TENM1: variants seen among roughly 807,000 people sequenced by gnomAD.
The protein encoded by TENM1 is teneurin transmembrane protein 1.
A neutral mutation model predicts 174.8 loss-of-function variants in TENM1; 35 were observed. The observed-to-expected ratio is 0.20, with a 90% CI of 0.15 to 0.27. TENM1 has a LOEUF of 0.27. TENM1 is among the 10% of genes least tolerant of loss of function. TENM1 has a pLI of 1.00. For synonymous variants in TENM1, 781 were observed against 798.7 expected (o/e 0.98, Z 0.37); for missense variants, 1,633 against 2,130.1 (o/e 0.77, Z 4.59).
the TENM1 span, among the ~76,000 whole-genome samples, chrX:125,097,037 T>A: frequency 2.7e-5 from 3 of 111,451 alleles, no homozygotes; most frequent in Admixed American, 2.9e-4. Context: ...CTCTGTTGTG[T>A]GTGCTGAGCT....
intron 19 of TENM1, among the ~76,000 whole-genome samples, chrX:124,501,193 A>G (rs2047322782): frequency 8.9e-6 from 1 of 111,899 alleles, no homozygotes; most frequent in Non-Finnish European, 1.9e-5. Flanking sequence ...ATTTTAAAGA[A>G]CTGAGTTTTC....
At chrX:125,149,448 G>A in the TENM1 span, among the ~76,000 whole-genome samples, 1 of 111,997 alleles carries the variant, frequency 8.9e-6, no homozygotes, top group Non-Finnish European at 1.9e-5. Flanking sequence ...GTTCTTTCCT[G>A]AGGATAGTAA....
intron 3 of TENM1, among the ~76,000 whole-genome samples, chrX:124,836,911 C>T (rs2056403029): frequency 9.0e-6 from 1 of 111,429 alleles, no homozygotes; most frequent in African/African-American, 3.3e-5. Flanking sequence ...TGGATCTTGG[C>T]TCTTTATCTG....
chrX:124,621,977 A>T (rs1165976724), intron 11 of TENM1, among the ~76,000 whole-genome samples: 1 of 112,316 alleles, frequency 8.9e-6, no homozygotes, highest in Non-Finnish European at 1.9e-5. Context: ...AATTTGGACT[A>T]CTTAAAACAT....
At chrX:125,180,974 C>T in the TENM1 span, among the ~76,000 whole-genome samples, 1 of 111,926 alleles carries the variant, frequency 8.9e-6, no homozygotes, top group Non-Finnish European at 1.9e-5. Context: ...ACCGGCATTA[C>T]CTCCTCCACG....
At chrX:124,893,831 G>A (rs1952870529) in intron 3 of TENM1, among the ~76,000 whole-genome samples, 1 of 111,371 alleles carries the variant, frequency 9.0e-6, no homozygotes, top group Non-Finnish European at 1.9e-5. Flanking sequence ...TTGATGACAT[G>A]GATAAAGTGT....
At chrX:124,843,609 A>G (rs1234464481) in intron 3 of TENM1, among the ~76,000 whole-genome samples, 1 of 112,019 alleles carries the variant, frequency 8.9e-6, no homozygotes, top group Non-Finnish European at 1.9e-5. Context: ...TAGAATTAAT[A>G]CATTTATTCT....
At chrX:125,078,704 T>A in the TENM1 span, among the ~76,000 whole-genome samples, 14 of 111,496 alleles carry the variant, frequency 1.3e-4, no homozygotes, top group African/African-American at 4.6e-4. Context: ...ACAGAAATAA[T>A]AAATGCACTG....
At chrX:125,150,250 C>T in the TENM1 span, among the ~76,000 whole-genome samples, 1 of 112,000 alleles carries the variant, frequency 8.9e-6, no homozygotes, top group African/African-American at 3.2e-5. Context: ...TTTGATTTCC[C>T]CTTCTTAGCT....
intron 3 of TENM1, among the ~76,000 whole-genome samples, chrX:124,757,989 A>T (rs770559896): frequency 9.8e-5 from 11 of 112,018 alleles, no homozygotes; most frequent in Non-Finnish European, 2.1e-4. Flanking sequence ...GAACAACAGA[A>T]TTTTTTTGAA....
rs58172162 is a variant in TENM1 at position 124,679,445 on chromosome X, G to A, written c.1016-7610C>T. Among the ~76,000 whole-genome samples, 959 of 111,506 alleles carry A rather than the reference G, an allele frequency of 8.6e-3. 10 individuals are homozygous for A. The highest frequency in any genetic ancestry group is 0.03 in the African/African-American group (925 of 30,732). On this transcript the variant is annotated intron_variant, in intron 5 of 31. Coordinates refer to ENST00000422452, the Ensembl canonical transcript of TENM1. ...GACTTCAGGCTTTCAACTAACTCCC[G>A]TGGGAAGCAATTTCACCAGACCGAT...
chrX:124,631,247 T>C (rs761610715), intron 11 of TENM1, among the ~76,000 whole-genome samples: 138 of 111,948 alleles, frequency 1.2e-3, no homozygotes, highest in Non-Finnish European at 2.2e-3. Flanking sequence ...TAATGAGGCA[T>C]ATTTTTTTTA....
At chrX:124,825,083 T>C (rs1390315046) in intron 3 of TENM1, among the ~76,000 whole-genome samples, 1 of 109,163 alleles carries the variant, frequency 9.2e-6, no homozygotes, top group African/African-American at 3.3e-5. Context: ...CATTATCTTA[T>C]ATATTGATTT....
Position 124,730,992 on chromosome X carries a change from A to C in TENM1, c.776+5965T>G, listed in dbSNP as rs187303520. On this transcript the variant is annotated intron_variant, in intron 4 of 31. Transcript: ENST00000422452. ...ATATTTTATTTTTTTTAACCTGTTG[A>C]AACCAGTGTGTCTGTACTGGGTGTT... Among the ~76,000 whole-genome samples the C allele has an allele frequency of 1.6e-4, 18 of 111,459 alleles. No homozygotes were observed. In the Admixed American group the frequency reaches 1.6e-3, roughly 10 times the overall value.
the TENM1 span, among the ~76,000 whole-genome samples, chrX:125,097,982 G>A: frequency 3.6e-4 from 41 of 112,448 alleles, no homozygotes; most frequent in Non-Finnish European, 6.0e-4. Flanking sequence ...AGAAAGTGTC[G>A]GCCGGGCGCG....
chrX:124,614,105 A>T (rs748141063), intron 11 of TENM1, among the ~76,000 whole-genome samples: 1 of 111,619 alleles, frequency 9.0e-6, no homozygotes, highest in African/African-American at 3.3e-5. Flanking sequence ...TGGTATGTCA[A>T]TAGAGTTTGG....
Position 124,398,529 on chromosome X carries a change from G to C in TENM1, c.5392-6181C>G, listed in dbSNP as rs1271947273. 6.3e-5 allele frequency among the ~76,000 whole-genome samples: 7 copies of C among 111,507 alleles called. No individual in the cohort carries two copies. In the East Asian group the frequency reaches 2.0e-3, roughly 31 times the overall value. On this transcript the variant is annotated intron_variant, in intron 27 of 31. Transcript: ENST00000422452. ...GAGAACTAAACTTACTTTTAAAATA[G>C]ATGGAATAAATGTATAATTTCTCTA...
At chrX:124,965,239 G>A (rs1465468289), upstream of TENM1, among the ~76,000 whole-genome samples, 3 of 110,756 alleles carry the variant, frequency 2.7e-5, no homozygotes, top group Non-Finnish European at 5.7e-5. Context: ...CACCATGCCC[G>A]GCTAATTTTT....
chrX:124,722,373 G>A (rs183612422), intron 4 of TENM1, among the ~76,000 whole-genome samples: 130 of 111,604 alleles, frequency 1.2e-3, no homozygotes, highest in African/African-American at 4.2e-3. Flanking sequence ...TAAAAAGTTC[G>A]AGTTCTAATT....
Sources: gnomAD v4.1 joint callset for allele counts (sites outside exome capture counted in the v4.1 genomes callset) on GRCh38, gnomAD v4.1.1 for gene constraint, MANE v1.5 for transcripts, NCBI Gene and HGNC (gene_info 2026-07-23, HGNC 2026-07-21) for gene names.